Variants in HERC5 observed in about 807,000 individuals in gnomAD.
The protein encoded by HERC5 is HECT and RLD domain containing E3 ubiquitin protein ligase 5, also known as E3 ISG15--protein ligase HERC5.
A neutral mutation model predicts 119.6 loss-of-function variants in HERC5; 99 were observed. The observed-to-expected ratio is 0.83, with a 90% confidence interval of 0.70 to 0.98. HERC5 has a LOEUF of 0.98. HERC5 is among the 50% of genes least tolerant of loss of function. The pLI is 0.00. For synonymous variants in HERC5, 478 were observed against 445.9 expected (o/e 1.07, Z -0.91); for missense variants, 1,267 against 1,241.3 (o/e 1.02, Z -0.31).
In HERC5 at chr4:88,463,898, T is replaced by C; in HGVS notation, c.824T>C (p.Leu275Pro). 1 of 1,614,090 alleles carries C rather than the reference T, an allele frequency of 6.2e-7. No individual in the cohort carries two copies. Among genetic ancestry groups the C allele is most frequent in the Non-Finnish European group, 8.5e-7 (1 of 1,179,990 alleles). Reference protein sequence around the residue: ...FTFGAGKHGQLGHNSTQNELR... With the variant: ...FTFGAGKHGQPGHNSTQNELR... ...TTCGGTGCTGGAAAACATGGGCAAC[T>C]TGGTCATAATTCAACACAGAATGAG... is the stretch of plus-strand genomic sequence containing the variant. Residue 275 changes from leucine (L) to proline (P), a missense_variant, in exon 6 of 23, where the codon CTT (leucine) becomes CCT (proline). Transcript: ENST00000264350.
chr4:88,493,573 G>A (rs1048416401), intron 17 of HERC5, among the ~76,000 whole-genome samples: 4 of 151,972 alleles, frequency 2.6e-5, no homozygotes. Context: ...AACTGTGGCA[G>A]GGATTTATTT....
At chr4:88,471,628 C>T (rs1414482166) in intron 10 of HERC5, among the ~76,000 whole-genome samples, 3 of 152,022 alleles carry the variant, frequency 2.0e-5, no homozygotes, top group Non-Finnish European at 4.4e-5. Context: ...TGTGAGCTAC[C>T]GCACCCAGCC....
chr4:88,486,243 T>C lies in HERC5; in HGVS notation c.1851+15T>C. 6.9e-7 allele frequency: 1 copy of C among 1,439,796 alleles called. No homozygotes were observed. Among genetic ancestry groups the C allele is most frequent in the Non-Finnish European group, 9.7e-7 (1 of 1,033,280 alleles). The allele number at this position is 1,439,796 out of a possible 1,614,324, so 89.2% of individuals were successfully genotyped here. On this transcript the variant is annotated intron_variant, in intron 14 of 22. Coordinates refer to ENST00000264350, the MANE Select transcript of HERC5 (RefSeq NM_016323.4). ...AAATGACTGTGGTAGGTATAGCATGTTTAAAGGGGGAAATTGATAATCAGT... is the reference window on the plus strand; with the variant it reads ...AAATGACTGTGGTAGGTATAGCATGCTTAAAGGGGGAAATTGATAATCAGT...
At chr4:88,479,632 A>T (rs1331379478) in intron 13 of HERC5, 125 bp downstream of exon 13, 2 of 599,102 alleles carry the variant, frequency 3.3e-6, no homozygotes, top group Admixed American at 4.0e-5. Context: ...TATTTTTTTA[A>T]TTTTTTTTTA....
intron 20 of HERC5, among the ~76,000 whole-genome samples, chr4:88,501,859 C>T (rs1262310671): frequency 4.6e-5 from 7 of 152,116 alleles, no homozygotes; most frequent in East Asian, 3.9e-4. Context: ...AGTGCAGTGG[C>T]GCAATCTTGG....
At chr4:88,467,321 T>TA (rs1264090238) in intron 7 of HERC5, 117 bp downstream of exon 7, 1 of 1,031,076 alleles carries the variant, frequency 9.7e-7, no homozygotes, top group Non-Finnish European at 1.4e-6. Flanking sequence ...TTTCTCTAAA[T>TA]ACTGGTTTCA....
intron 18 of HERC5, among the ~76,000 whole-genome samples, chr4:88,498,239 C>T (rs1329044439): frequency 6.6e-6 from 1 of 152,126 alleles, no homozygotes; most frequent in Non-Finnish European, 1.5e-5. Context: ...TGAGGCTGCT[C>T]TAGAGACCCG....
Position 88,475,987 on chromosome 4 carries a change from A to C in HERC5, c.1539A>C (p.Ala513=). 6.2e-7 allele frequency: 1 copy of C among 1,613,984 alleles called. No individual in the cohort carries two copies. The highest frequency in any genetic ancestry group is 8.5e-7 in the Non-Finnish European group (1 of 1,179,980). ...GGGAGAGCCTTGTGGTTCCATTTGC[A>C]AAGGTTGTTTGTAAAATGAGTGACC... ...NNWESLVVPF[A]KVVCKMSDQS... is the part of the protein sequence containing the mutation. The change falls in exon 12 of 23, where the codon GCA becomes GCC. Residue 513 remains alanine, a synonymous_variant. Coordinates refer to ENST00000264350, the MANE Select transcript of HERC5 (RefSeq NM_016323.4).
intron 16 of HERC5, among the ~76,000 whole-genome samples, chr4:88,491,625 T>C (rs1741641643): frequency 6.6e-6 from 1 of 152,188 alleles, no homozygotes; most frequent in South Asian, 2.1e-4. Context: ...AAAAAGTCCT[T>C]GGAGCTTGGG....
chr4:88,457,689 C>A (rs1740218707), intron 1 of HERC5, among the ~76,000 whole-genome samples, 155 bp downstream of exon 1: 1 of 152,224 alleles, frequency 6.6e-6, no homozygotes, highest in African/African-American at 2.4e-5. Flanking sequence ...GACGGCGCAC[C>A]TGAGCTGTCT....
At chr4:88,473,424 C>G (rs1431069261) in intron 11 of HERC5, 1 of 152,208 alleles carries the variant, frequency 6.6e-6, no homozygotes, top group Non-Finnish European at 1.5e-5. Context: ...AGCTCCCGCA[C>G]TTGCTCTGTT....
Position 88,493,083 on chromosome 4 carries a change from A to G in HERC5, c.2205A>G (p.Ala735=), listed in dbSNP as rs1741696580. ...VKKEFFYCLF[A]EMIQPEYGMF... ...AAGAGTTCTTCTACTGTCTGTTTGC[A>G]GAGATGATCCAGCCGGAATATGGGA... Residue 735 remains alanine, a synonymous_variant, in exon 17 of 23, where the codon GCA becomes GCG. Coordinates refer to ENST00000264350, the MANE Select transcript of HERC5 (RefSeq NM_016323.4). 6.2e-7 allele frequency: 1 copy of G among 1,614,102 alleles called. No homozygotes were observed.
intron 11 of HERC5, chr4:88,474,039 A>G (rs1419957943): frequency 1.3e-5 from 2 of 152,212 alleles, no homozygotes; most frequent in East Asian, 3.9e-4. Flanking sequence ...TTATTCAGCA[A>G]ACATTTGAAT....
chr4:88,497,104 T>C (rs972961129), intron 18 of HERC5, among the ~76,000 whole-genome samples: 1 of 152,212 alleles, frequency 6.6e-6, no homozygotes, highest in Non-Finnish European at 1.5e-5. Flanking sequence ...TAAATTTCTA[T>C]TTATAGATTA....
At chr4:88,493,584 G>T (rs1039586702) in intron 17 of HERC5, among the ~76,000 whole-genome samples, 4 of 151,654 alleles carry the variant, frequency 2.6e-5, no homozygotes, top group Non-Finnish European at 5.9e-5. Flanking sequence ...GGATTTATTT[G>T]GTTTTTTATT....
Position 88,500,962 on chromosome 4 carries a change from C to T in HERC5, c.2559C>T (p.Ser853=). ...CAAACTTAATTCCTAATGGAAGTAG[C>T]ATAACTGTCAACCAGACTAACAAGT... The part of the protein sequence containing the change: ...NDTNLIPNGS[S]ITVNQTNKRD... The change falls in exon 20 of 23, where the codon AGC becomes AGT. Residue 853 remains serine (S), a synonymous_variant. Transcript: ENST00000264350. 6.2e-7 allele frequency: 1 copy of T among 1,611,232 alleles called. No individual in the cohort carries two copies. Among genetic ancestry groups the T allele is most frequent in the Non-Finnish European group, 8.5e-7 (1 of 1,178,836 alleles).
chr4:88,483,462 CTTGGTCTCCCG>C (rs1262738751), intron 13 of HERC5, among the ~76,000 whole-genome samples: 7 of 150,930 alleles, frequency 4.6e-5, no homozygotes, highest in Non-Finnish European at 1.0e-4. Context: ...CCACCTGGGC[CTTGGTCTCCCG>C]AAGTGCAAGG....
At position 88,505,916 on chromosome 4, in the gene HERC5, TATC is replaced by T. The variant is rs770445695; in HGVS notation, c.*39_*41del. On this transcript the variant is annotated 3_prime_UTR_variant, in exon 23 of 23. Transcript: ENST00000264350. ...TCCAACAGCCTTATTTTGTTGTTGT[TATC>T]GTTGTTGTTGTTGTTGTTGTTGTTG... The T allele has an allele frequency of 1.0e-5, 15 of 1,497,944 alleles. No individual in the cohort carries two copies. The highest frequency in any genetic ancestry group is 2.8e-5 in the African/African-American group (2 of 71,054). 92.8% of individuals were successfully genotyped at this position (1,497,944 alleles called of 1,614,324 possible). A position where few individuals can be genotyped will look rare whatever the true frequency, so the allele number is the denominator to read the frequency against.
chr4:88,483,602 T>TA (rs1413104250), intron 13 of HERC5, among the ~76,000 whole-genome samples: 1 of 150,984 alleles, frequency 6.6e-6, no homozygotes, highest in East Asian at 1.9e-4. Flanking sequence ...GATCTTGGCT[T>TA]ACTGCAGCCT....
Sources: allele counts gnomAD v4.1 joint callset (sites outside exome capture counted in the v4.1 genomes callset), GRCh38; gene constraint gnomAD v4.1.1; transcripts MANE v1.5; gene names NCBI Gene and HGNC (gene_info 2026-07-23, HGNC 2026-07-21).